GRIN2A: variants seen among roughly 807,000 people sequenced by gnomAD.
The protein encoded by GRIN2A is glutamate receptor ionotropic, NMDA 2A.
In GRIN2A, 22 loss-of-function variants were observed where a neutral mutation model predicts 113.4. That is an observed-to-expected ratio of 0.19 (90% CI 0.14 to 0.28). The LOEUF (loss-of-function observed/expected upper bound fraction) is 0.28. GRIN2A is among the 10% of genes least tolerant of loss of function. GRIN2A has a pLI of 1.00. For missense variants in GRIN2A, 1,502 were observed against 1,887.0 expected, an observed-to-expected ratio of 0.80 and a Z score of 3.78; for synonymous variants, 827 against 738.4, an observed-to-expected ratio of 1.12 and a Z score of -1.94.
At chr16:10,071,807 G>A (rs915102299) in intron 2 of GRIN2A, among the ~76,000 whole-genome samples, 2 of 152,190 alleles carry the variant, frequency 1.3e-5, no homozygotes, top group African/African-American at 4.8e-5. Context: ...AGAAGTGGAC[G>A]GGAGCCGACA....
chr16:9,962,081 C>A (rs1383554553), intron 2 of GRIN2A, among the ~76,000 whole-genome samples: 3 of 152,178 alleles, frequency 2.0e-5, no homozygotes, highest in Admixed American at 2.0e-4. Flanking sequence ...GAAACTGGAT[C>A]CCTTCCTTAC....
At chr16:9,988,482 A>G (rs1436407501) in intron 2 of GRIN2A, among the ~76,000 whole-genome samples, 1 of 152,116 alleles carries the variant, frequency 6.6e-6, no homozygotes, top group Non-Finnish European at 1.5e-5. Flanking sequence ...CCCCAAGTCT[A>G]TATCAAATCC....
At chr16:9,877,560 A>T (rs1272398720) in intron 4 of GRIN2A, among the ~76,000 whole-genome samples, 2 of 151,466 alleles carry the variant, frequency 1.3e-5, no homozygotes, top group African/African-American at 4.9e-5. Context: ...ATTTGCCTTA[A>T]AGTCCACTGT....
intron 2 of GRIN2A, among the ~76,000 whole-genome samples, chr16:10,033,323 C>G (rs900736559): frequency 6.6e-6 from 1 of 152,102 alleles, no homozygotes; most frequent in Non-Finnish European, 1.5e-5. Context: ...GCCTGTGTTA[C>G]CAACTCAGGA....
chr16:10,111,018 T>A (rs1199186205), intron 2 of GRIN2A, among the ~76,000 whole-genome samples: 1 of 152,200 alleles, frequency 6.6e-6, no homozygotes, highest in Non-Finnish European at 1.5e-5. Flanking sequence ...AGCTAGTATA[T>A]CAGCTCGACC....
intron 3 of GRIN2A, among the ~76,000 whole-genome samples, chr16:9,913,029 A>G (rs2044176808): frequency 6.6e-6 from 1 of 152,262 alleles, no homozygotes; most frequent in Non-Finnish European, 1.5e-5. Context: ...TCTTCCTGCC[A>G]GAAGATTCCA....
intron 4 of GRIN2A, among the ~76,000 whole-genome samples, chr16:9,864,184 G>A (rs2043121815): frequency 6.6e-6 from 1 of 152,118 alleles, no homozygotes; most frequent in Non-Finnish European, 1.5e-5. Flanking sequence ...TAAATGAAAT[G>A]CCATTTGCAG....
Position 9,760,605 on chromosome 16 carries a change from G to A in GRIN2A, c.*2544C>T, listed in dbSNP as rs766920527. 47 of 221,272 alleles carry A rather than the reference G, an allele frequency of 2.1e-4. No individual in the cohort carries two copies. Among genetic ancestry groups the A allele is most frequent in the Non-Finnish European group, 3.1e-4 (34 of 110,784 alleles). The allele number at this position is 221,272 out of a possible 1,614,324, so 13.7% of individuals were successfully genotyped here. A position where few individuals can be genotyped will look rare whatever the true frequency, so the allele number is the denominator to read the frequency against. ...CCAGAGATGTATGGGGTTAATAGCA[G>A]AAATAATGCTGCTGTTAGGGGAAGG... On this transcript the variant is annotated 3_prime_UTR_variant, in exon 13 of 13. Transcript: ENST00000330684.
intron 2 of GRIN2A, among the ~76,000 whole-genome samples, chr16:9,965,315 G>A (rs2045532588): frequency 2.0e-5 from 3 of 152,278 alleles, no homozygotes; most frequent in African/African-American, 7.2e-5. Context: ...CTACAGCCTG[G>A]TGGTAAACGG....
intron 2 of GRIN2A, among the ~76,000 whole-genome samples, chr16:10,019,597 C>T (rs2046678902): frequency 6.6e-6 from 1 of 152,188 alleles, no homozygotes; most frequent in South Asian, 2.1e-4. Flanking sequence ...AAACGGTATG[C>T]CCTCAAGTAG....
At chr16:9,874,095 C>A (rs1344084176) in intron 4 of GRIN2A, among the ~76,000 whole-genome samples, 2 of 152,170 alleles carry the variant, frequency 1.3e-5, no homozygotes, top group Non-Finnish European at 2.9e-5. Context: ...CGGAGTCTTT[C>A]TTCACATCCA....
chr16:10,085,519 C>T (rs961613391), intron 2 of GRIN2A, among the ~76,000 whole-genome samples: 2 of 152,122 alleles, frequency 1.3e-5, no homozygotes, highest in Non-Finnish European at 2.9e-5. Context: ...GTGCAGCCCC[C>T]GTAAACTGAC....
chr16:10,121,130 G>T (rs1045292773), intron 2 of GRIN2A, among the ~76,000 whole-genome samples: 1 of 152,058 alleles, frequency 6.6e-6, no homozygotes, highest in Non-Finnish European at 1.5e-5. Flanking sequence ...AGAAGGGTGG[G>T]GCAACCACAA....
At position 9,949,226 on chromosome 16, in the gene GRIN2A, T is replaced by C. The variant is rs547861961; in HGVS notation, c.415-10675A>G. Among the ~76,000 whole-genome samples, 175 of 152,322 alleles carry C rather than the reference T, an allele frequency of 1.1e-3. 2 individuals are homozygous for C. The highest frequency in any genetic ancestry group is 4.1e-3 in the African/African-American group (171 of 41,574). On this transcript the variant is annotated intron_variant, in intron 2 of 12. Transcript: ENST00000330684. ...GATTAATGCTAATTCATCTGTACAG[T>C]AATAGCACACAGCCCAGCTCCCAGT...
At chr16:9,808,053 C>G (rs2042016530) in intron 10 of GRIN2A, among the ~76,000 whole-genome samples, 1 of 152,180 alleles carries the variant, frequency 6.6e-6, no homozygotes, top group Non-Finnish European at 1.5e-5. Flanking sequence ...TTAGATTGTA[C>G]TTTTCAAGGG....
At chr16:10,120,584 G>C (rs1429548478) in intron 2 of GRIN2A, among the ~76,000 whole-genome samples, 2 of 151,838 alleles carry the variant, frequency 1.3e-5, no homozygotes, top group Non-Finnish European at 2.9e-5. Flanking sequence ...TTTTCATTAA[G>C]GGAAAAATAT....
intron 2 of GRIN2A, among the ~76,000 whole-genome samples, chr16:9,942,263 T>C (rs1034838544): frequency 1.4e-4 from 21 of 152,258 alleles, no homozygotes; most frequent in East Asian, 1.9e-4. Flanking sequence ...CCTACCATGT[T>C]AAGTTCAGAC....
intron 2 of GRIN2A, among the ~76,000 whole-genome samples, chr16:10,114,015 TA>T (rs367811898): frequency 1.2e-4 from 18 of 145,578 alleles, no homozygotes; most frequent in Admixed American, 2.7e-4. Flanking sequence ...CCCTCGTTCT[TA>T]AAAAAAAAAG....
At chr16:9,925,337 G>GT (rs1410954347) in intron 3 of GRIN2A, among the ~76,000 whole-genome samples, 2 of 152,126 alleles carry the variant, frequency 1.3e-5, no homozygotes, top group African/African-American at 4.8e-5. Context: ...CTCACTCCAC[G>GT]TGAGTCCTGG....
Sources: gnomAD v4.1 joint callset for allele counts (sites outside exome capture counted in the v4.1 genomes callset) on GRCh38, gnomAD v4.1.1 for gene constraint, MANE v1.5 for transcripts, NCBI Gene and HGNC (gene_info 2026-07-23, HGNC 2026-07-21) for gene names.